EYS: variants seen among roughly 807,000 people sequenced by gnomAD.
EYS encodes the protein protein eyes shut homolog.
EYS carries 250 observed loss-of-function variants against 282.1 expected under a neutral mutation model. The ratio of observed to expected loss-of-function variants is 0.89; its 90% CI spans 0.80 to 0.98. The LOEUF is 0.98. Among genes scored for constraint, EYS ranks in the 50% least tolerant of loss-of-function variants. The probability of loss-of-function intolerance (pLI) is 0.00; values close to 1 mark genes in which losing one functional copy is unlikely to be tolerated. For synonymous variants in EYS, 1,355 were observed against 1,282.9 expected (o/e 1.06, Z -1.20); for missense variants, 4,016 against 3,709.0 (o/e 1.08, Z -2.15).
At chr6:63,863,755 A>G (rs1041702283) in intron 36 of EYS, among the ~76,000 whole-genome samples, 14 of 144,886 alleles carry the variant, frequency 9.7e-5, no homozygotes, top group African/African-American at 3.6e-4. Flanking sequence ...GGCTCACTGC[A>G]ACCTCACCCT....
intron 26 of EYS, among the ~76,000 whole-genome samples, chr6:64,548,089 C>G (rs1764940966): frequency 6.6e-6 from 1 of 152,202 alleles, no homozygotes; most frequent in Admixed American, 6.5e-5. Context: ...CCAGCCTCGG[C>G]CAGCCCAGGA....
At chr6:65,440,827 T>C (rs1768285993) in intron 5 of EYS, among the ~76,000 whole-genome samples, 1 of 146,674 alleles carries the variant, frequency 6.8e-6, no homozygotes, top group African/African-American at 2.5e-5. Context: ...AATTCCTTTG[T>C]GTAGAAAAAA....
chr6:64,554,185 C>T (rs182123034), intron 26 of EYS, among the ~76,000 whole-genome samples: 1 of 151,818 alleles, frequency 6.6e-6, no homozygotes, highest in South Asian at 2.1e-4. Context: ...GGCTATAGTC[C>T]CTGGCTTCTT....
chr6:65,361,864 T>C (rs1764722499), intron 8 of EYS, among the ~76,000 whole-genome samples: 1 of 152,080 alleles, frequency 6.6e-6, no homozygotes, highest in Non-Finnish European at 1.5e-5. Flanking sequence ...GCAAAACAAC[T>C]AAAGCCTCTT....
chr6:64,820,977 T>C lies in EYS; in HGVS notation c.3243+668A>G, dbSNP rs1054606064. On this transcript the variant is annotated intron_variant, in intron 21 of 42. Coordinates refer to ENST00000503581, the MANE Select transcript of EYS (RefSeq NM_001142800.2). ...GACAAAGGCTTTTAGTTTGTATGCTTCCTCCCTTTACCATGTTATTGTCAA... is the reference window on the plus strand; with the variant it reads ...GACAAAGGCTTTTAGTTTGTATGCTCCCTCCCTTTACCATGTTATTGTCAA... Among the ~76,000 whole-genome samples, 15 of 151,986 alleles carry C rather than the reference T, an allele frequency of 9.9e-5. 1 individual carries two copies. Among genetic ancestry groups the C allele is most frequent in the Non-Finnish European group, 2.9e-5 (2 of 67,990 alleles).
intron 5 of EYS, among the ~76,000 whole-genome samples, chr6:65,465,950 T>G (rs1313191788): frequency 2.0e-5 from 3 of 151,300 alleles, no homozygotes; most frequent in Non-Finnish European, 4.4e-5. Context: ...ACAGCCTGGA[T>G]GAAGAGTAAG....
rs12208686 is a variant in EYS, at chr6:65,006,043, C to T, written c.2138-8340G>A. Among the ~76,000 whole-genome samples the T allele has an allele frequency of 4.3e-3, 651 of 152,030 alleles. 7 individuals carry two copies. The highest frequency in any genetic ancestry group is 7.9e-3 in the Non-Finnish European group (535 of 67,956). ...TCCAAAGGGATCTAAGGAGGCTCTA[C>T]ACTGTGTCCTTAGGCACCTAGGCTA... is the stretch of plus-strand genomic sequence containing the variant. On this transcript the variant is annotated intron_variant, in intron 13 of 42. Transcript: ENST00000503581.
intron 10 of EYS, among the ~76,000 whole-genome samples, chr6:65,336,760 G>A (rs1770004585): frequency 1.3e-5 from 2 of 151,516 alleles, no homozygotes; most frequent in East Asian, 2.0e-4. Flanking sequence ...ATGATGCTAT[G>A]TTTTATTGAA....
Position 65,692,343 on chromosome 6 carries a change from A to G in EYS, c.-448+14792T>C, listed in dbSNP as rs988239203. Among the ~76,000 whole-genome samples, 7 of 150,130 alleles carry G rather than the reference A, an allele frequency of 4.7e-5. 1 individual carries two copies. The highest frequency in any genetic ancestry group is 1.7e-4 in the African/African-American group (7 of 41,234). On this transcript the variant is annotated intron_variant, in intron 1 of 42. Transcript: ENST00000503581. ...GGTGATGTTTACACTGAAGGAGTGA[A>G]CTTCACCACTGTGCAATATAGCCAT...
At chr6:65,581,724 T>C (rs1764878968) in intron 2 of EYS, among the ~76,000 whole-genome samples, 1 of 152,140 alleles carries the variant, frequency 6.6e-6, no homozygotes, top group African/African-American at 2.4e-5. Context: ...ATCATGCTTT[T>C]ATTAGTCCCA....
chr6:63,878,983 G>C (rs1056235827), intron 35 of EYS, among the ~76,000 whole-genome samples: 24 of 152,146 alleles, frequency 1.6e-4, no homozygotes, highest in African/African-American at 5.1e-4. Context: ...AACAAGCCCT[G>C]GTGAGATGAA....
chr6:65,375,873 A>T (rs973685750), intron 8 of EYS, among the ~76,000 whole-genome samples: 3 of 152,104 alleles, frequency 2.0e-5, no homozygotes, highest in African/African-American at 4.8e-5. Flanking sequence ...GAAATATGGG[A>T]CCATATGGGA....
chr6:64,821,722 A>C lies in EYS; in HGVS notation c.3166T>G (p.Cys1056Gly). 1 of 1,480,366 alleles carries C rather than the reference A, an allele frequency of 6.8e-7. No individual in the cohort carries two copies. Among genetic ancestry groups the C allele is most frequent in the East Asian group, 2.5e-5 (1 of 40,210 alleles). 91.7% of individuals were successfully genotyped at this position (1,480,366 alleles called of 1,614,324 possible). A position where few individuals can be genotyped will look rare whatever the true frequency, so the allele number is the denominator to read the frequency against. ...GGATATTCATTAATAAGTTCTGTGCACCTGAAACACAGAATTAGAATTACA... is the reference window on the plus strand; with the variant it reads ...GGATATTCATTAATAAGTTCTGTGCCCCTGAAACACAGAATTAGAATTACA... ...CLSNPCLHGRCTELINEYPCS... is the reference protein window; with the variant it reads ...CLSNPCLHGRGTELINEYPCS... The change falls in exon 21 of 43, where the codon TGC becomes GGC. Residue 1056 changes from cysteine (C) to glycine (G), a missense_variant and splice_region_variant. Physicochemically the swap from Cys to Gly is radical, Grantham distance 159 (BLOSUM62 -3). Transcript: ENST00000503581.
At chr6:65,621,985 A>G (rs2149802581) in intron 2 of EYS, among the ~76,000 whole-genome samples, 1 of 152,274 alleles carries the variant, frequency 6.6e-6, no homozygotes, top group Admixed American at 6.5e-5. Context: ...TTATAGAAAA[A>G]ATAATAAAAC....
At chr6:64,543,095 T>G (rs1764740365) in intron 26 of EYS, among the ~76,000 whole-genome samples, 1 of 152,104 alleles carries the variant, frequency 6.6e-6, no homozygotes, top group Admixed American at 6.6e-5. Flanking sequence ...TCCTTTAAAG[T>G]CCACCACCTG....
At chr6:63,772,192 G>T (rs1769947498) in intron 40 of EYS, among the ~76,000 whole-genome samples, 1 of 149,970 alleles carries the variant, frequency 6.7e-6, no homozygotes, top group African/African-American at 2.5e-5. Flanking sequence ...GTGGAGTCTT[G>T]CTCTGTTGCC....
intron 26 of EYS, among the ~76,000 whole-genome samples, chr6:64,521,654 G>A (rs1363137884): frequency 1.3e-5 from 2 of 151,732 alleles, no homozygotes; most frequent in African/African-American, 4.8e-5. Flanking sequence ...GGTTCTTCTT[G>A]AAAAGGGTGA....
intron 33 of EYS, among the ~76,000 whole-genome samples, chr6:64,053,923 T>A (rs1350620224): frequency 6.6e-6 from 1 of 152,202 alleles, no homozygotes; most frequent in East Asian, 1.9e-4. Flanking sequence ...AATCTCTCTA[T>A]AAAGCTAAAT....
intron 25 of EYS, among the ~76,000 whole-genome samples, chr6:64,592,577 C>G (rs1003308119): frequency 2.0e-5 from 3 of 152,058 alleles, no homozygotes; most frequent in Non-Finnish European, 2.9e-5. Context: ...GTGGCATTGG[C>G]TACATGAAGA....
Sources: gnomAD v4.1 joint callset for allele counts (sites outside exome capture counted in the v4.1 genomes callset) on GRCh38, gnomAD v4.1.1 for gene constraint, MANE v1.5 for transcripts, NCBI Gene and HGNC (gene_info 2026-07-23, HGNC 2026-07-21) for gene names.